POTEF: variants seen among roughly 807,000 people sequenced by gnomAD.
POTEF encodes POTE ankyrin domain family member F.
Under a neutral mutation model 83.2 loss-of-function variants are expected in POTEF, and 20 were observed. The ratio of observed to expected loss-of-function variants is 0.24; its 90% CI spans 0.17 to 0.35. The LOEUF (loss-of-function observed/expected upper bound fraction) is 0.35, where lower values mean the gene tolerates loss of function less well. Among genes scored for constraint, POTEF ranks in the 10% least tolerant of loss-of-function variants. The pLI, the probability that POTEF is intolerant of heterozygous loss-of-function variation, is 1.00. For synonymous variants in POTEF, 196 were observed against 446.4 expected (o/e 0.44, Z 7.07); for missense variants, 550 against 1,203.2 (o/e 0.46, Z 8.03).
intron 12 of POTEF, among the ~76,000 whole-genome samples, chr2:130,089,028 C>CCA (rs1684071957): frequency 8.6e-6 from 1 of 115,632 alleles, no homozygotes. Context: ...CATTATTCCT[C>CCA]CACGTCTGTC....
chr2:130,128,481 G>A (rs1369924333), intron 1 of POTEF, among the ~76,000 whole-genome samples: 35 of 143,910 alleles, frequency 2.4e-4, no homozygotes, highest in Middle Eastern at 3.6e-3. Context: ...CCCTGCCGCC[G>A]GCAGTGTAGC....
chr2:130,126,653 T>C (rs1288641117), intron 2 of POTEF, among the ~76,000 whole-genome samples: 2 of 152,060 alleles, frequency 1.3e-5, no homozygotes, highest in Non-Finnish European at 2.9e-5. Flanking sequence ...ACACTAGGCA[T>C]AAGTGGTTTA....
intron 2 of POTEF, among the ~76,000 whole-genome samples, chr2:130,121,083 G>A (rs1191002930): frequency 2.0e-5 from 3 of 151,798 alleles, no homozygotes; most frequent in Non-Finnish European, 2.9e-5. Flanking sequence ...CGTGCAAGCC[G>A]TTACAAGCCA....
chr2:130,103,561 C>G (rs1358545980), intron 8 of POTEF, among the ~76,000 whole-genome samples: 1 of 140,520 alleles, frequency 7.1e-6, no homozygotes, highest in Non-Finnish European at 1.5e-5. Flanking sequence ...CTCCACATGT[C>G]TGTCCCGTCT....
At chr2:130,102,048 A>C (rs1684387046) in intron 9 of POTEF, 62 bp downstream of exon 9, 1 of 1,440,808 alleles carries the variant, frequency 6.9e-7, no homozygotes, top group Non-Finnish European at 9.5e-7. Flanking sequence ...TGGACTATCT[A>C]ATATTATTAA....
intron 8 of POTEF, among the ~76,000 whole-genome samples, chr2:130,105,002 T>C (rs1684479664): frequency 6.6e-6 from 1 of 150,822 alleles, no homozygotes; most frequent in Non-Finnish European, 1.5e-5. Context: ...CTCTTTGCTC[T>C]TCTGTATTCA....
chr2:130,126,461 C>T (rs1450298863), intron 2 of POTEF, among the ~76,000 whole-genome samples: 16 of 152,040 alleles, frequency 1.1e-4, no homozygotes, highest in Admixed American at 1.0e-3. Context: ...TGTTTGCCAC[C>T]AATATTTTTA....
intron 3 of POTEF, among the ~76,000 whole-genome samples, chr2:130,116,083 C>T (rs1384672408): frequency 6.6e-6 from 1 of 151,984 alleles, no homozygotes; most frequent in Non-Finnish European, 1.5e-5. Flanking sequence ...AATTTTGGTT[C>T]TTAAAAGAAC....
intron 8 of POTEF, among the ~76,000 whole-genome samples, chr2:130,104,797 T>C (rs1684470881): frequency 1.3e-5 from 2 of 151,332 alleles, no homozygotes; most frequent in African/African-American, 2.5e-5. Context: ...CTTTTGATCA[T>C]TGATGGTGAT....
intron 8 of POTEF, among the ~76,000 whole-genome samples, chr2:130,104,800 A>G (rs571154378): frequency 6.6e-5 from 10 of 151,392 alleles, no homozygotes; most frequent in African/African-American, 2.0e-4. Flanking sequence ...TTGATCATTG[A>G]TGGTGATACA....
chr2:130,120,763 C>T lies in POTEF; in HGVS notation c.-93-155G>A, dbSNP rs558043360. 265 of 768,870 alleles carry T rather than the reference C, an allele frequency of 3.4e-4. 3 individuals carry two copies. In the South Asian group the frequency reaches 4.8e-3, roughly 14 times the overall value. 47.6% of individuals were successfully genotyped at this position (768,870 alleles called of 1,614,324 possible). A position where few individuals can be genotyped will look rare whatever the true frequency, so the allele number is the denominator to read the frequency against. ...CACGCCCACCCCAGAAAGGGCCAAC[C>T]CCCGCCCCCAAGAAAACACCCAGCC... On this transcript the variant is annotated intron_variant, in intron 2 of 16. Coordinates refer to ENST00000409914, the MANE Select transcript of POTEF (RefSeq NM_001099771.2).
rs1225520926 is a variant in POTEF, at chr2:130,112,035, T to G, written c.877A>C (p.Lys293Gln). Reference sequence around the variant, plus strand: ...AGTGCATTTAAATTCGCTTTTTTCTTAATTAAAAATTTCACGACTTGCTGT... The same window carrying G: ...AGTGCATTTAAATTCGCTTTTTTCTGAATTAAAAATTTCACGACTTGCTGT... ...QKQQVVKFLI[K>Q]KKANLNALDR... The change falls in exon 6 of 17, where the codon AAG becomes CAG. Residue 293 changes from lysine to glutamine, a missense_variant. Physicochemically the swap from Lys to Gln is moderately conservative, Grantham distance 53. Coordinates refer to ENST00000409914, the MANE Select transcript of POTEF (RefSeq NM_001099771.2). 16 of 1,199,802 alleles carry G rather than the reference T, an allele frequency of 1.3e-5. No homozygotes were observed. In the East Asian group the frequency reaches 4.1e-4, roughly 30 times the overall value. The allele number at this position is 1,199,802 out of a possible 1,614,324, so 74.3% of individuals were successfully genotyped here.
At chr2:130,123,724 G>A (rs1685042287) in intron 2 of POTEF, among the ~76,000 whole-genome samples, 1 of 150,588 alleles carries the variant, frequency 6.6e-6, no homozygotes, top group Non-Finnish European at 1.5e-5. Context: ...TGTAAATGCT[G>A]AAGAAAGTAA....
At chr2:130,109,787 C>T (rs986605751) in intron 7 of POTEF, 1 of 151,580 alleles carries the variant, frequency 6.6e-6, no homozygotes, top group African/African-American at 2.4e-5. Context: ...GTGGGTTCCA[C>T]ATTAGGTTCT....
At chr2:130,113,404 A>G (rs1451463469) in intron 5 of POTEF, among the ~76,000 whole-genome samples, 1 of 138,848 alleles carries the variant, frequency 7.2e-6, no homozygotes, top group Non-Finnish European at 1.5e-5. Flanking sequence ...CACATATCCA[A>G]CCCCAACTCT....
chr2:130,105,476 A>G (rs1231785169), intron 8 of POTEF, among the ~76,000 whole-genome samples: 3 of 151,738 alleles, frequency 2.0e-5, no homozygotes, highest in Admixed American at 1.3e-4. Flanking sequence ...TTTACATGGT[A>G]AAGAACCTTC....
rs1366105250 is a variant in POTEF, at chr2:130,124,666, C to T, written c.-94+3043G>A. On this transcript the variant is annotated intron_variant, in intron 2 of 16. Coordinates refer to ENST00000409914, the MANE Select transcript of POTEF (RefSeq NM_001099771.2). Reference sequence around the variant, plus strand: ...CAACGCAAGGCAAAACAGAGCAGAGCCTTAGATTTTTGAGAGGGACCTGTC... The same window carrying T: ...CAACGCAAGGCAAAACAGAGCAGAGTCTTAGATTTTTGAGAGGGACCTGTC... Among the ~76,000 whole-genome samples, 9 of 86,798 alleles carry T rather than the reference C, an allele frequency of 1.0e-4. 4 individuals are homozygous for T. The highest frequency in any genetic ancestry group is 4.4e-4 in the African/African-American group (9 of 20,636). 56.9% of individuals were successfully genotyped at this position (86,798 alleles called of 152,430 possible).
chr2:130,075,096 G>C lies in POTEF; in HGVS notation c.2376C>G (p.Asn792Lys), dbSNP rs538524883. The C allele has an allele frequency of 3.7e-6, 6 of 1,609,274 alleles. No homozygotes were observed. The highest frequency in any genetic ancestry group is 5.1e-6 in the Non-Finnish European group (6 of 1,176,698). ...MEKIWHHTFY[N>K]ELRVAPEEHP... ...GCTCCTCGGGAGCCACACGCAGCTC[G>C]TTGTAGAAGGTGTGGTGCCAGATCT... Residue 792 changes from asparagine to lysine, a missense_variant, in exon 17 of 17, where the codon AAC (asparagine) becomes AAG (lysine). Asn to Lys is a moderately conservative substitution (Grantham distance 94). Coordinates refer to ENST00000409914, the MANE Select transcript of POTEF (RefSeq NM_001099771.2).
intron 7 of POTEF, chr2:130,109,522 C>T (rs1684645024): frequency 6.6e-6 from 1 of 150,722 alleles, no homozygotes; most frequent in African/African-American, 2.5e-5. Flanking sequence ...GGGCCAACCA[C>T]AGCTGGGAGC....
Sources: allele counts gnomAD v4.1 joint callset (sites outside exome capture counted in the v4.1 genomes callset), GRCh38; gene constraint gnomAD v4.1.1; transcripts MANE v1.5; gene names NCBI Gene and HGNC (gene_info 2026-07-23, HGNC 2026-07-21).